The following FRMD3 variants were observed in gnomAD, a reference collection of about 807,000 sequenced individuals.
The protein encoded by FRMD3 is FERM domain containing 3, also known as FERM domain-containing protein 3.
In FRMD3, 33 loss-of-function variants were observed where a neutral mutation model predicts 70.2. That is an observed-to-expected ratio of 0.47 (90% confidence interval 0.36 to 0.63). FRMD3 has a LOEUF of 0.63. Ranked by LOEUF, FRMD3 falls within the 20% of genes least tolerant of loss-of-function variation. The probability of loss-of-function intolerance (pLI) is 0.00; values close to 1 mark genes in which losing one functional copy is unlikely to be tolerated. For synonymous variants in FRMD3, 279 were observed against 255.9 expected, an observed-to-expected ratio of 1.09 and a Z score of -0.86; for missense variants, 632 against 711.4, an observed-to-expected ratio of 0.89 and a Z score of 1.27.
intron 3 of FRMD3, among the ~76,000 whole-genome samples, chr9:83,364,429 G>A (rs533658006): frequency 6.6e-6 from 1 of 151,964 alleles, no homozygotes; most frequent in African/African-American, 2.4e-5. Flanking sequence ...CAGTACACGC[G>A]CCTGTAGTCC....
At chr9:83,261,102 GACACAC>G (rs59345002) in intron 13 of FRMD3, among the ~76,000 whole-genome samples, 28 of 133,154 alleles carry the variant, frequency 2.1e-4, no homozygotes, top group East Asian at 1.4e-3. Context: ...AGGAAACTTA[GACACAC>G]ACACACACAC....
In FRMD3 at chr9:83,297,521, C is replaced by T. The variant is rs935078322; in HGVS notation, c.1070+1227G>A. 2.0e-5 allele frequency: 6 copies of T among 293,574 alleles called. No individual in the cohort carries two copies. In the Admixed American group the frequency reaches 2.4e-4, roughly 12 times the overall value. 18.2% of individuals were successfully genotyped at this position (293,574 alleles called of 1,614,324 possible). ...ACTAGGCAATCCCTGAGGTCATTTCCAGTTCAAAGATTCTGAAACAGATGA... is the reference window on the plus strand; with the variant it reads ...ACTAGGCAATCCCTGAGGTCATTTCTAGTTCAAAGATTCTGAAACAGATGA... On this transcript the variant is annotated intron_variant, in intron 12 of 13. Coordinates refer to ENST00000304195, the MANE Select transcript of FRMD3 (RefSeq NM_174938.6).
At chr9:83,263,323 G>A (rs1190958143) in intron 13 of FRMD3, among the ~76,000 whole-genome samples, 4 of 152,202 alleles carry the variant, frequency 2.6e-5, no homozygotes, top group Non-Finnish European at 5.9e-5. Context: ...CCTAAGTGAT[G>A]CAGCTGTCAT....
At chr9:83,316,204 G>T in intron 6 of FRMD3, among the ~76,000 whole-genome samples, 1 of 137,960 alleles carries the variant, frequency 7.2e-6, no homozygotes, top group African/African-American at 2.8e-5. Context: ...TATTGCCCAG[G>T]TTGGAGTGCA....
At chr9:83,465,001 CAG>C (rs1828083437) in intron 1 of FRMD3, among the ~76,000 whole-genome samples, 1 of 134,080 alleles carries the variant, frequency 7.5e-6, no homozygotes, top group Admixed American at 7.9e-5. Context: ...GCCTGGGTAA[CAG>C]AGAGAAACTC....
rs769020448 is a variant in FRMD3, at chr9:83,538,080, C to A, written c.147+5G>T. On this transcript the variant is annotated splice_donor_5th_base_variant and intron_variant, in intron 1 of 13. Transcript: ENST00000304195. The surrounding 1 kb of genome is among the most constrained non-coding windows in gnomAD (Gnocchi z 4.7). ...CCCCGCGCCCTCGCCCGGTTCCACGCGCACCTGGATGTGGCAGGAGATCTC... is the reference window on the plus strand; with the variant it reads ...CCCCGCGCCCTCGCCCGGTTCCACGAGCACCTGGATGTGGCAGGAGATCTC... The A allele has an allele frequency of 7.4e-6, 12 of 1,611,778 alleles. No individual in the cohort carries two copies. In the Admixed American group the frequency reaches 1.3e-4, roughly 18 times the overall value.
chr9:83,370,532 T>A (rs1236254808), intron 3 of FRMD3, among the ~76,000 whole-genome samples: 3 of 152,264 alleles, frequency 2.0e-5, no homozygotes, highest in African/African-American at 7.2e-5. Flanking sequence ...TATACAATTC[T>A]ATTTTCCAGA....
chr9:83,286,236 T>C (rs1461878638), intron 13 of FRMD3, among the ~76,000 whole-genome samples: 1 of 152,188 alleles, frequency 6.6e-6, no homozygotes, highest in Non-Finnish European at 1.5e-5. Flanking sequence ...TAAGACAAGG[T>C]GACAGGACAT....
chr9:83,452,043 G>C (rs1284281063), intron 1 of FRMD3, among the ~76,000 whole-genome samples: 1 of 152,196 alleles, frequency 6.6e-6, no homozygotes, highest in Non-Finnish European at 1.5e-5. Context: ...AACAGAGGGA[G>C]ACTGGCAGGC....
chr9:83,335,607 G>A lies in FRMD3; in HGVS notation c.505C>T (p.Pro169Ser). 6.2e-7 allele frequency: 1 copy of A among 1,613,106 alleles called. No homozygotes were observed. The highest frequency in any genetic ancestry group is 8.5e-7 in the Non-Finnish European group (1 of 1,179,296). The change falls in exon 6 of 14, where the codon CCT (proline) becomes TCT (serine). Residue 169 changes from proline (P) to serine (S), a missense_variant. Physicochemically the swap from Pro to Ser is moderately conservative, Grantham distance 74. Coordinates refer to ENST00000304195, the MANE Select transcript of FRMD3 (RefSeq NM_174938.6). ...ELGDYDPDEH[P>S]ENYISEFEIF... Reference sequence around the variant, plus strand: ...TCAAACTCACTGATGTAATTCTCAGGATGCTCATCAGGATCGTAATCACCA... The same window carrying A: ...TCAAACTCACTGATGTAATTCTCAGAATGCTCATCAGGATCGTAATCACCA...
At chr9:83,561,933 C>A in the FRMD3 span, among the ~76,000 whole-genome samples, 5 of 152,198 alleles carry the variant, frequency 3.3e-5, no homozygotes, top group African/African-American at 1.2e-4. Flanking sequence ...GTGTATGTGT[C>A]CATACCTCCT....
intron 2 of FRMD3, among the ~76,000 whole-genome samples, chr9:83,382,189 T>C (rs936988479): frequency 3.9e-5 from 6 of 152,194 alleles, no homozygotes; most frequent in Non-Finnish European, 7.3e-5. Flanking sequence ...TTTGCTGTCA[T>C]GCCACATAAA....
At chr9:83,515,479 C>T (rs182073219) in intron 1 of FRMD3, among the ~76,000 whole-genome samples, 1 of 152,218 alleles carries the variant, frequency 6.6e-6, no homozygotes, top group East Asian at 1.9e-4. Flanking sequence ...TGTGAAAAGA[C>T]CAACCTACAT....
chr9:83,504,662 C>T (rs1486335653), intron 1 of FRMD3, among the ~76,000 whole-genome samples: 1 of 152,170 alleles, frequency 6.6e-6, no homozygotes, highest in Non-Finnish European at 1.5e-5. Context: ...CCTTCCCTGA[C>T]CACTCTATAA....
chr9:83,300,307 A>G (rs1054292695), intron 10 of FRMD3, among the ~76,000 whole-genome samples: 4 of 152,224 alleles, frequency 2.6e-5, no homozygotes, highest in Non-Finnish European at 5.9e-5. Flanking sequence ...TGAGATCCAG[A>G]GGCTGAAAGG....
At chr9:83,494,864 C>T (rs34984791) in intron 1 of FRMD3, among the ~76,000 whole-genome samples, 71,779 of 144,662 alleles carry the variant, frequency 0.5, 17,564 homozygotes, top group Non-Finnish European at 0.52. Context: ...TGTGTGCGCG[C>T]GCGCATGTGC....
Position 83,245,233 on chromosome 9 carries a change from A to G in FRMD3, c.*2685T>C. The G allele has an allele frequency of 1.0e-6, 1 of 982,734 alleles. No individual in the cohort carries two copies. The highest frequency in any genetic ancestry group is 1.2e-6 in the Non-Finnish European group (1 of 827,454). The allele number at this position is 982,734 out of a possible 1,614,324, so 60.9% of individuals were successfully genotyped here. On this transcript the variant is annotated 3_prime_UTR_variant, in exon 14 of 14. Transcript: ENST00000304195. ...CACATATACCAATAATATGGAATATACATATACTCACACACTTGCTTTAAA... is the reference window on the plus strand; with the variant it reads ...CACATATACCAATAATATGGAATATGCATATACTCACACACTTGCTTTAAA...
intron 1 of FRMD3, among the ~76,000 whole-genome samples, chr9:83,464,697 A>G (rs1294599421): frequency 6.6e-6 from 1 of 152,034 alleles, no homozygotes; most frequent in Non-Finnish European, 1.5e-5. Context: ...GGTCTCTCCC[A>G]CTTGGACATT....
intron 1 of FRMD3, among the ~76,000 whole-genome samples, chr9:83,515,958 T>A (rs900058654): frequency 6.6e-6 from 1 of 151,878 alleles, no homozygotes; most frequent in East Asian, 1.9e-4. Flanking sequence ...TTACAAGAGC[T>A]CCTGAAGGAA....
Sources: allele counts gnomAD v4.1 joint callset (sites outside exome capture counted in the v4.1 genomes callset), GRCh38; gene constraint gnomAD v4.1.1; non-coding constraint Gnocchi (gnomAD v3.1); transcripts MANE v1.5; gene names NCBI Gene and HGNC (gene_info 2026-07-23, HGNC 2026-07-21).